The following BNC2 variants were observed in gnomAD, a reference collection of about 807,000 sequenced individuals.
BNC2 encodes zinc finger protein basonuclin-2.
A neutral mutation model predicts 76.3 loss-of-function variants in BNC2; 20 were observed. The ratio of observed to expected loss-of-function variants is 0.26; its 90% CI spans 0.18 to 0.38. BNC2 has a LOEUF of 0.38. BNC2 is among the 10% of genes least tolerant of loss of function. The pLI, the probability that BNC2 is intolerant of heterozygous loss-of-function variation, is 1.00. For synonymous variants in BNC2, 582 were observed against 514.8 expected (o/e 1.13, Z -1.77); for missense variants, 1,382 against 1,399.8 (o/e 0.99, Z 0.20).
chr9:16,822,277 C>G (rs1424850886), intron 1 of BNC2, among the ~76,000 whole-genome samples: 5 of 152,046 alleles, frequency 3.3e-5, no homozygotes, highest in Admixed American at 3.3e-4. Context: ...AGGCTTCATA[C>G]TAGACTCTGT....
intron 2 of BNC2, among the ~76,000 whole-genome samples, chr9:16,733,884 G>GA (rs1213871853): frequency 1.7e-3 from 231 of 139,640 alleles, no homozygotes; most frequent in Middle Eastern, 3.6e-3. Context: ...AACTCCATCT[G>GA]AAAAAAAAAA....
At chr9:16,861,715 C>T (rs1819414356) in intron 1 of BNC2, among the ~76,000 whole-genome samples, 1 of 152,152 alleles carries the variant, frequency 6.6e-6, no homozygotes, top group African/African-American at 2.4e-5. Context: ...AAGGGCCAGG[C>T]GCGGTGGCTC....
chr9:16,586,222 T>G (rs1819767173), intron 3 of BNC2, among the ~76,000 whole-genome samples: 1 of 152,102 alleles, frequency 6.6e-6, no homozygotes, highest in Non-Finnish European at 1.5e-5. Context: ...GAGGCAGCAG[T>G]GAAGATGATC....
At chr9:16,469,910 G>C (rs1416540361) in intron 5 of BNC2, among the ~76,000 whole-genome samples, 1 of 151,900 alleles carries the variant, frequency 6.6e-6, no homozygotes, top group Non-Finnish European at 1.5e-5. Context: ...CTTTGAACTT[G>C]AGAGAGATGA....
chr9:16,498,046 C>CAT (rs1414359596), intron 5 of BNC2, among the ~76,000 whole-genome samples: 1 of 141,350 alleles, frequency 7.1e-6, no homozygotes, highest in Non-Finnish European at 1.6e-5. Context: ...TATATTCCAT[C>CAT]ATATATATTC....
intron 3 of BNC2, among the ~76,000 whole-genome samples, chr9:16,712,298 T>C (rs980211630): frequency 2.0e-5 from 3 of 152,212 alleles, no homozygotes. Context: ...GATTTAAAGA[T>C]ATAAAAAGAT....
rs368816665 is a variant in BNC2 at position 16,587,590 on chromosome 9, C to A, written c.331-4505G>T. 2.7e-5 allele frequency among the ~76,000 whole-genome samples: 4 copies of A among 148,726 alleles called. No homozygotes were observed. The East Asian group carries it at 8.0e-4, about 30-fold the overall frequency. ...TTCTCTCCCCATCTGCATGAACATT[C>A]TCTCTTCTTAAGAGATCCACACGGT... On this transcript the variant is annotated intron_variant, in intron 3 of 6. Transcript: ENST00000380672.
At chr9:16,785,075 T>C (rs1032444847) in intron 1 of BNC2, among the ~76,000 whole-genome samples, 2 of 152,222 alleles carry the variant, frequency 1.3e-5, no homozygotes, top group African/African-American at 2.4e-5. Flanking sequence ...CAGCTTCCAG[T>C]GTACCTTTTG....
At chr9:16,788,489 C>G (rs1333863244) in intron 1 of BNC2, among the ~76,000 whole-genome samples, 1 of 148,700 alleles carries the variant, frequency 6.7e-6, no homozygotes. Context: ...GGAGGCGGAG[C>G]TTGCAGTGAG....
At chr9:16,422,717 G>C (rs553722531) in intron 6 of BNC2, among the ~76,000 whole-genome samples, 1 of 152,162 alleles carries the variant, frequency 6.6e-6, no homozygotes, top group Non-Finnish European at 1.5e-5. Context: ...AGGAAAGCAC[G>C]AGAAGGAAAG....
intron 5 of BNC2, among the ~76,000 whole-genome samples, chr9:16,441,567 G>T (rs184470527): frequency 9.1e-4 from 139 of 152,306 alleles, no homozygotes; most frequent in African/African-American, 3.2e-3. Context: ...CTTTGATTCT[G>T]AATCACTAGT....
At chr9:16,632,889 T>C (rs537539824) in intron 3 of BNC2, among the ~76,000 whole-genome samples, 12 of 152,256 alleles carry the variant, frequency 7.9e-5, no homozygotes, top group African/African-American at 2.9e-4. Context: ...GGGAAAACAA[T>C]ATAATCGAGT....
chr9:16,788,299 A>AT (rs1156247928), intron 1 of BNC2, among the ~76,000 whole-genome samples: 14 of 152,214 alleles, frequency 9.2e-5, no homozygotes, highest in Non-Finnish European at 1.9e-4. Flanking sequence ...CACGCCTGTA[A>AT]TCCCAGCACT....
chr9:16,679,911 C>T lies in BNC2; in HGVS notation c.330+47886G>A, dbSNP rs945561554. On this transcript the variant is annotated intron_variant, in intron 3 of 6. Transcript: ENST00000380672. The stretch of plus-strand genomic sequence containing the variant: ...GGTATCCACTGAGTGCCTACCATGG[C>T]GTCAGTCCTCAGGGAAAGTCAGAAC... Among the ~76,000 whole-genome samples the T allele has an allele frequency of 7.8e-4, 119 of 152,348 alleles. 1 individual carries two copies. The highest frequency in any genetic ancestry group is 2.6e-3 in the African/African-American group (107 of 41,578).
At chr9:16,452,193 T>C (rs1321413370) in intron 5 of BNC2, among the ~76,000 whole-genome samples, 1 of 152,210 alleles carries the variant, frequency 6.6e-6, no homozygotes, top group Non-Finnish European at 1.5e-5. Flanking sequence ...CATTGTTTTT[T>C]CCCCTGCAAG....
intron 3 of BNC2, among the ~76,000 whole-genome samples, chr9:16,607,696 G>A (rs753060821): frequency 6.6e-6 from 1 of 152,100 alleles, no homozygotes; most frequent in Non-Finnish European, 1.5e-5. Context: ...TTTCAGATGA[G>A]GTTCATTTTA....
At chr9:16,741,958 A>AG (rs1491307101) in intron 1 of BNC2, among the ~76,000 whole-genome samples, 1 of 6,606 alleles carries the variant, frequency 1.5e-4, no homozygotes, top group Non-Finnish European at 4.8e-4. Context: ...GCTCCATCTC[A>AG]AAAAAAAAAA....
intron 5 of BNC2, among the ~76,000 whole-genome samples, chr9:16,538,756 T>C (rs539048631): frequency 1.3e-5 from 2 of 152,198 alleles, no homozygotes; most frequent in Non-Finnish European, 2.9e-5. Context: ...AGTCATTTAA[T>C]TGCAGAGTTT....
chr9:16,450,323 TAATTTAGAAG>T (rs1821315352), intron 5 of BNC2, among the ~76,000 whole-genome samples: 1 of 152,250 alleles, frequency 6.6e-6, no homozygotes, highest in South Asian at 2.1e-4. Flanking sequence ...CAACTGCAGA[TAATTTAGAAG>T]AATTTGTTTT....
Sources: gnomAD v4.1 joint callset for allele counts (sites outside exome capture counted in the v4.1 genomes callset) on GRCh38, gnomAD v4.1.1 for gene constraint, MANE v1.5 for transcripts, NCBI Gene and HGNC (gene_info 2026-07-23, HGNC 2026-07-21) for gene names.